The following ERI3 variants were observed in gnomAD, a reference collection of about 807,000 sequenced individuals.
ERI3 encodes the protein ERI1 exoribonuclease 3.
In ERI3, 18 loss-of-function variants were observed where a neutral mutation model predicts 44.4. The ratio of observed to expected loss-of-function variants is 0.41; its 90% CI spans 0.28 to 0.60. The LOEUF (loss-of-function observed/expected upper bound fraction) is 0.60, where lower values mean the gene tolerates loss of function less well. Ranked by LOEUF, ERI3 falls within the 20% of genes least tolerant of loss-of-function variation. The probability of loss-of-function intolerance (pLI) is 0.36; values close to 1 mark genes in which losing one functional copy is unlikely to be tolerated. For synonymous variants in ERI3, 183 were observed against 164.8 expected, an observed-to-expected ratio of 1.11 and a Z score of -0.84; for missense variants, 294 against 435.5, an observed-to-expected ratio of 0.68 and a Z score of 2.89.
chr1:44,238,499 G>T (rs983488741), intron 8 of ERI3, among the ~76,000 whole-genome samples: 12 of 152,126 alleles, frequency 7.9e-5, no homozygotes, highest in Admixed American at 6.5e-5. Flanking sequence ...AGATCTTGAG[G>T]TGCCAGGTTC....
Position 44,321,012 on chromosome 1 carries a change from T to C in ERI3, c.490-1268A>G, listed in dbSNP as rs553618717. On this transcript the variant is annotated intron_variant, in intron 3 of 8. Coordinates refer to ENST00000372257, the MANE Select transcript of ERI3 (RefSeq NM_024066.3). Reference sequence around the variant, plus strand: ...TTAAAATCAAGGTAAAGTGGTTCTCTCCAGAGACAGCCTGGAGAAGCAACA... The same window carrying C: ...TTAAAATCAAGGTAAAGTGGTTCTCCCCAGAGACAGCCTGGAGAAGCAACA... 3.3e-5 allele frequency among the ~76,000 whole-genome samples: 5 copies of C among 152,150 alleles called. No homozygotes were observed. The East Asian group carries it at 7.7e-4, about 24-fold the overall frequency.
chr1:44,246,899 C>G (rs78700439), intron 8 of ERI3, among the ~76,000 whole-genome samples: 365 of 152,278 alleles, frequency 2.4e-3, no homozygotes, highest in African/African-American at 5.7e-3. Context: ...AGTCCCCCCC[C>G]ACAATGATGC....
At chr1:44,337,010 T>C (rs565548209) in intron 3 of ERI3, among the ~76,000 whole-genome samples, 30 of 152,288 alleles carry the variant, frequency 2.0e-4, no homozygotes, top group Middle Eastern at 3.4e-3. Flanking sequence ...GTCTTCAGCA[T>C]TGTGATAAAT....
chr1:44,283,894 C>T, intron 7 of ERI3: 1 of 420,160 alleles, frequency 2.4e-6, no homozygotes, highest in Non-Finnish European at 4.9e-6. Flanking sequence ...TCCCACCTTC[C>T]TTGAATGCCC....
At chr1:44,255,175 A>G (rs1208684810) in intron 7 of ERI3, among the ~76,000 whole-genome samples, 2 of 152,126 alleles carry the variant, frequency 1.3e-5, no homozygotes, top group Non-Finnish European at 2.9e-5. Flanking sequence ...TTCACATCCT[A>G]TCCAGCTACT....
At chr1:44,353,327 A>G (rs145132091) in intron 1 of ERI3, 6 of 985,450 alleles carry the variant, frequency 6.1e-6, no homozygotes, top group East Asian at 2.3e-4. Flanking sequence ...TCCACAAGCC[A>G]TACTGAAAAT....
intron 5 of ERI3, among the ~76,000 whole-genome samples, chr1:44,311,121 A>G (rs1645963880): frequency 6.6e-6 from 1 of 151,582 alleles, no homozygotes; most frequent in Non-Finnish European, 1.5e-5. Context: ...TCACTGTTTT[A>G]TATCCCCAAG....
At chr1:44,272,748 G>A (rs1013498269) in intron 7 of ERI3, among the ~76,000 whole-genome samples, 1 of 152,042 alleles carries the variant, frequency 6.6e-6, no homozygotes, top group Non-Finnish European at 1.5e-5. Flanking sequence ...GGCTGAGCAT[G>A]AGAATCACTT....
Position 44,221,669 on chromosome 1 carries a change from G to A in ERI3, c.932-29C>T, listed in dbSNP as rs1643900150. 2 of 1,587,146 alleles carry A rather than the reference G, an allele frequency of 1.3e-6. No individual in the cohort carries two copies. The highest frequency in any genetic ancestry group is 1.7e-6 in the Non-Finnish European group (2 of 1,155,504). On this transcript the variant is annotated intron_variant, in intron 8 of 8. Transcript: ENST00000372257. This position sits in a 1 kb window ranked among gnomAD's most constrained non-coding sequence, Gnocchi z 5.9. The stretch of plus-strand genomic sequence containing the variant: ...AAAAGGAGAGAAGACATTTAGATCA[G>A]CCCCAGATCCTTCCCCTCCATGCCC...
At chr1:44,323,236 C>G (rs1646241193) in intron 3 of ERI3, among the ~76,000 whole-genome samples, 1 of 152,196 alleles carries the variant, frequency 6.6e-6, no homozygotes, top group Non-Finnish European at 1.5e-5. Flanking sequence ...GGCTATCAGA[C>G]AGGGGCTGGA....
At chr1:44,300,656 G>T (rs1295931824) in intron 6 of ERI3, among the ~76,000 whole-genome samples, 1 of 152,194 alleles carries the variant, frequency 6.6e-6, no homozygotes, top group African/African-American at 2.4e-5. Context: ...CCTCAGGCCT[G>T]CATCTAGGAA....
chr1:44,331,116 C>G (rs1646418836), intron 3 of ERI3, among the ~76,000 whole-genome samples: 1 of 152,160 alleles, frequency 6.6e-6, no homozygotes, highest in African/African-American at 2.4e-5. Flanking sequence ...GCCTCCACCC[C>G]CATGCCCTCC....
At chr1:44,349,516 C>T (rs755499924) in intron 2 of ERI3, among the ~76,000 whole-genome samples, 2 of 152,158 alleles carry the variant, frequency 1.3e-5, no homozygotes, top group Non-Finnish European at 2.9e-5. Context: ...TTATGAAAAG[C>T]AGTGCCTTGC....
intron 7 of ERI3, among the ~76,000 whole-genome samples, chr1:44,261,583 G>A (rs1644895031): frequency 6.6e-6 from 1 of 152,248 alleles, no homozygotes; most frequent in Admixed American, 6.5e-5. Flanking sequence ...AGCAGGCAGC[G>A]GCCAGAGACT....
intron 7 of ERI3, among the ~76,000 whole-genome samples, chr1:44,284,348 A>C (rs993763725): frequency 1.3e-5 from 2 of 152,146 alleles, no homozygotes; most frequent in African/African-American, 4.8e-5. Context: ...CACATGAGCC[A>C]GGCTCTCCTG....
chr1:44,239,741 T>TA (rs1179714138), intron 8 of ERI3, among the ~76,000 whole-genome samples: 1 of 152,150 alleles, frequency 6.6e-6, no homozygotes, highest in Non-Finnish European at 1.5e-5. Context: ...ACAGTGAGTG[T>TA]AAGCGTTTCC....
At chr1:44,227,090 G>C (rs548076680) in intron 8 of ERI3, among the ~76,000 whole-genome samples, 1 of 152,148 alleles carries the variant, frequency 6.6e-6, no homozygotes, top group Admixed American at 6.5e-5. Flanking sequence ...CAAACTGGGG[G>C]AACAGGAGGG....
chr1:44,355,131 G>T lies in ERI3; in HGVS notation c.-105C>A, dbSNP rs981115866. On this transcript the variant is annotated 5_prime_UTR_variant, in exon 1 of 9. Coordinates refer to ENST00000372257, the MANE Select transcript of ERI3 (RefSeq NM_024066.3). ...CGCTCAGGGCAGTTGGCGGCGGCGG[G>T]CGCGGCCCGCGCCGACTGCGGCGCC... 29 of 1,229,076 alleles carry T rather than the reference G, an allele frequency of 2.4e-5. No homozygotes were observed. Among genetic ancestry groups the T allele is most frequent in the Non-Finnish European group, 2.9e-5 (28 of 981,158 alleles). The allele number at this position is 1,229,076 out of a possible 1,614,324, so 76.1% of individuals were successfully genotyped here. A position where few individuals can be genotyped will look rare whatever the true frequency, so the allele number is the denominator to read the frequency against.
intron 3 of ERI3, among the ~76,000 whole-genome samples, chr1:44,330,072 T>C: frequency 6.6e-6 from 1 of 152,228 alleles, no homozygotes; most frequent in Non-Finnish European, 1.5e-5. Flanking sequence ...AACATACATT[T>C]TTAACCTCTT....
Sources: allele counts gnomAD v4.1 joint callset (sites outside exome capture counted in the v4.1 genomes callset), GRCh38; gene constraint gnomAD v4.1.1; non-coding constraint Gnocchi (gnomAD v3.1); transcripts MANE v1.5; gene names NCBI Gene and HGNC (gene_info 2026-07-23, HGNC 2026-07-21).